Variants in ABCC8 observed in about 807,000 individuals in gnomAD.
ABCC8 encodes the protein ATP binding cassette subfamily C member 8, also known as ATP-binding cassette sub-family C member 8.
Under a neutral mutation model 188.0 loss-of-function variants are expected in ABCC8, and 137 were observed. The observed-to-expected ratio is 0.73, with a 90% CI of 0.63 to 0.84. The LOEUF (loss-of-function observed/expected upper bound fraction) is 0.84, where lower values mean the gene tolerates loss of function less well. ABCC8 is among the 40% of genes least tolerant of loss of function. ABCC8 has a pLI of 0.00. For missense variants in ABCC8, 1,750 were observed against 2,072.7 expected (o/e 0.84, Z 3.02); for synonymous variants, 797 against 846.5 (o/e 0.94, Z 1.01).
chr11:17,414,430 A>G, intron 19 of ABCC8, 82 bp downstream of exon 19: 2 of 1,567,610 alleles, frequency 1.3e-6, no homozygotes, highest in Non-Finnish European at 1.8e-6. Context: ...TGGGTGATCG[A>G]TGGAGGGGCC....
Position 17,407,082 on chromosome 11 carries a change from G to A in ABCC8, c.2968C>T (p.His990Tyr), listed in dbSNP as rs1954578142. ...EEDDNLSSML[H>Y]QRAEIPWRAC... ...CGCCATGGGATCTCAGCACGCTGGTGCAGCATGGACGACAGGTTGTCATCC... is the reference window on the plus strand; with the variant it reads ...CGCCATGGGATCTCAGCACGCTGGTACAGCATGGACGACAGGTTGTCATCC... Residue 990 changes from histidine to tyrosine, a missense_variant, in exon 25 of 39, where the codon CAC becomes TAC. Transcript: ENST00000389817. 6.2e-7 allele frequency: 1 copy of A among 1,613,788 alleles called. No homozygotes were observed. Among genetic ancestry groups the A allele is most frequent in the African/African-American group, 1.3e-5 (1 of 74,934 alleles).
At chr11:17,399,296 A>C (rs1336902124) in intron 29 of ABCC8, among the ~76,000 whole-genome samples, 10 of 148,858 alleles carry the variant, frequency 6.7e-5, no homozygotes, top group Non-Finnish European at 1.3e-4. Context: ...AAAAAAAAAA[A>C]AAAAAAAACA....
rs1045943803 is a variant in ABCC8 at position 17,395,779 on chromosome 11, C to T, written c.4199-61G>A. 10 of 1,552,854 alleles carry T rather than the reference C, an allele frequency of 6.4e-6. No homozygotes were observed. In the African/African-American group the frequency reaches 1.4e-4, roughly 21 times the overall value. ...GTGACTGCTGGGCCTCCTGTCATGTCTGACCACGTGCCAGGGCTGAGGCCT... is the reference window on the plus strand; with the variant it reads ...GTGACTGCTGGGCCTCCTGTCATGTTTGACCACGTGCCAGGGCTGAGGCCT... On this transcript the variant is annotated intron_variant, in intron 34 of 38. Coordinates refer to ENST00000389817, the MANE Select transcript of ABCC8 (RefSeq NM_000352.6).
At chr11:17,470,371 G>C in intron 2 of ABCC8, 149 bp from the exon 3 acceptor site, 1 of 1,394,564 alleles carries the variant, frequency 7.2e-7, no homozygotes, top group Non-Finnish European at 9.8e-7. Context: ...GGCGTATTTG[G>C]GGTATGGGCT....
At chr11:17,437,737 A>C (rs1956162931) in intron 10 of ABCC8, among the ~76,000 whole-genome samples, 1 of 152,188 alleles carries the variant, frequency 6.6e-6, no homozygotes, top group East Asian at 1.9e-4. Flanking sequence ...CTCCCCACCA[A>C]GCCAGGCCAG....
intron 21 of ABCC8, among the ~76,000 whole-genome samples, chr11:17,411,760 G>A (rs1475007032): frequency 6.6e-6 from 1 of 152,170 alleles, no homozygotes; most frequent in Non-Finnish European, 1.5e-5. Context: ...TGAACTGGGT[G>A]AGCTCTGTCT....
intron 10 of ABCC8, among the ~76,000 whole-genome samples, chr11:17,441,852 C>T (rs184942369): frequency 8.6e-4 from 131 of 152,230 alleles, no homozygotes; most frequent in African/African-American, 2.8e-3. Context: ...GAGGCTGAGG[C>T]GGGTGGATCA....
chr11:17,406,100 T>G (rs1017384890), intron 26 of ABCC8, among the ~76,000 whole-genome samples: 1 of 152,258 alleles, frequency 6.6e-6, no homozygotes, highest in Non-Finnish European at 1.5e-5. Context: ...AAAATCTGTT[T>G]GCCTGTTGTG....
chr11:17,431,020 G>A, intron 11 of ABCC8, 61 bp from the exon 12 acceptor site: 1 of 1,594,354 alleles, frequency 6.3e-7, no homozygotes, highest in East Asian at 2.3e-5. Flanking sequence ...TCCCACACTG[G>A]AAACGCTCAG....
chr11:17,456,860 T>C (rs994442383), intron 6 of ABCC8, among the ~76,000 whole-genome samples: 6 of 152,206 alleles, frequency 3.9e-5, no homozygotes, highest in Non-Finnish European at 5.9e-5. Context: ...ATTGCTGCAT[T>C]ATTCCTTCTT....
At chr11:17,408,249 G>T in intron 23 of ABCC8, 143 bp downstream of exon 23, 1 of 780,500 alleles carries the variant, frequency 1.3e-6, no homozygotes, top group Non-Finnish European at 2.1e-6. Flanking sequence ...CCTCTGGTAG[G>T]AGCCAGTTCA....
In ABCC8 at chr11:17,463,544, A is replaced by G; in HGVS notation, c.473T>C (p.Leu158Ser). 6.3e-7 allele frequency: 1 copy of G among 1,596,446 alleles called. No homozygotes were observed. Among genetic ancestry groups the G allele is most frequent in the Non-Finnish European group, 8.5e-7 (1 of 1,171,424 alleles). ...CTGCGAGAAGCCGATGGCGTGGTCCAAGAACTTGACAAACTTGATGGTCTT... is the reference window on the plus strand; with the variant it reads ...CTGCGAGAAGCCGATGGCGTGGTCCGAGAACTTGACAAACTTGATGGTCTT... ...ITKTIKFVKF[L>S]DHAIGFSQLR... The change falls in exon 4 of 39, where the codon TTG becomes TCG. Residue 158 changes from leucine to serine, a missense_variant. Coordinates refer to ENST00000389817, the MANE Select transcript of ABCC8 (RefSeq NM_000352.6).
chr11:17,474,878 T>C lies in ABCC8; in HGVS notation c.290+8A>G. On this transcript the variant is annotated splice_region_variant and intron_variant, in intron 2 of 38. Coordinates refer to ENST00000389817, the MANE Select transcript of ABCC8 (RefSeq NM_000352.6). ...TTCACTTTCCTGAGTCCTCAGACAG[T>C]CACTCACCCATCAGACAGGATGCCC... is the stretch of plus-strand genomic sequence containing the variant. 1 of 1,614,040 alleles carries C rather than the reference T, an allele frequency of 6.2e-7. No individual in the cohort carries two copies. The highest frequency in any genetic ancestry group is 8.5e-7 in the Non-Finnish European group (1 of 1,179,906).
At position 17,398,439 on chromosome 11, in the gene ABCC8, T is replaced by A; in HGVS notation, c.3653A>T (p.Tyr1218Phe). Residue 1218 changes from tyrosine to phenylalanine, a missense_variant and splice_region_variant, in exon 30 of 39, where the codon TAT (tyrosine) becomes TTT (phenylalanine). Physicochemically the swap from Tyr to Phe is conservative, Grantham distance 22 (BLOSUM62 3). Coordinates refer to ENST00000389817, the MANE Select transcript of ABCC8 (RefSeq NM_000352.6). Reference sequence around the variant, plus strand: ...AAGCTTCTGCTGGAACCGGGCCTCATACCTGGAGGGAGGATGAGAAGCTCC... The same window carrying A: ...AAGCTTCTGCTGGAACCGGGCCTCAAACCTGGAGGGAGGATGAGAAGCTCC... ...EGLTTIRAFR[Y>F]EARFQQKLLE... is the part of the protein sequence containing the mutation. 6.2e-7 allele frequency: 1 copy of A among 1,613,920 alleles called. No homozygotes were observed. The highest frequency in any genetic ancestry group is 1.7e-5 in the Admixed American group (1 of 60,008).
chr11:17,393,899 G>T (rs1953764807), intron 37 of ABCC8, 140 bp from the exon 38 acceptor site: 1 of 1,556,294 alleles, frequency 6.4e-7, no homozygotes, highest in African/African-American at 1.4e-5. Flanking sequence ...CCACAGGACT[G>T]AACAGGTTCC....
intron 16 of ABCC8, among the ~76,000 whole-genome samples, chr11:17,419,167 A>T (rs942390949): frequency 2.3e-4 from 35 of 152,194 alleles, no homozygotes; most frequent in African/African-American, 8.2e-4. Context: ...TGAAAAGTAA[A>T]GAATGGTATG....
intron 1 of ABCC8, 47 bp downstream of exon 1, chr11:17,476,582 T>G (rs1280688364): frequency 1.9e-6 from 3 of 1,596,792 alleles, no homozygotes. Context: ...TCCTCCTCCC[T>G]CCCTGCTCTC....
At chr11:17,407,255 G>A in intron 24 of ABCC8, 99 bp downstream of exon 24, 1 of 1,610,470 alleles carries the variant, frequency 6.2e-7, no homozygotes, top group Non-Finnish European at 8.5e-7. Context: ...TTTAATCAAA[G>A]GCACACTACT....
chr11:17,407,248 A>C, intron 24 of ABCC8, 106 bp downstream of exon 24: 1 of 1,610,114 alleles, frequency 6.2e-7, no homozygotes, highest in African/African-American at 1.3e-5. Flanking sequence ...GAAGCCATTT[A>C]ATCAAAGGCA....
Sources: allele counts gnomAD v4.1 joint callset (sites outside exome capture counted in the v4.1 genomes callset), GRCh38; gene constraint gnomAD v4.1.1; transcripts MANE v1.5; gene names NCBI Gene and HGNC (gene_info 2026-07-23, HGNC 2026-07-21).